EVL: variants seen among roughly 807,000 people sequenced by gnomAD.
The protein encoded by EVL is ena/VASP-like protein.
Under a neutral mutation model 59.6 loss-of-function variants are expected in EVL, and 21 were observed. The ratio of observed to expected loss-of-function variants is 0.35; its 90% CI spans 0.25 to 0.51. The LOEUF is 0.51. Among genes scored for constraint, EVL ranks in the 20% least tolerant of loss-of-function variants. EVL has a pLI of 0.97. For missense variants in EVL, 462 were observed against 546.6 expected (o/e 0.85, Z 1.54); for synonymous variants, 198 against 203.5 (o/e 0.97, Z 0.23).
chr14:100,090,766 T>G (rs750942501), intron 2 of EVL, among the ~76,000 whole-genome samples: 4 of 152,134 alleles, frequency 2.6e-5, no homozygotes, highest in Non-Finnish European at 5.9e-5. Context: ...CAAAAGTGAT[T>G]TATTTAATCA....
intron 2 of EVL, among the ~76,000 whole-genome samples, chr14:100,087,463 A>G (rs915062352): frequency 6.6e-6 from 1 of 152,114 alleles, no homozygotes; most frequent in Non-Finnish European, 1.5e-5. Context: ...AAAAATATAT[A>G]AATTATCTGG....
At chr14:100,121,561 G>A (rs1429553449) in intron 3 of EVL, among the ~76,000 whole-genome samples, 1 of 152,190 alleles carries the variant, frequency 6.6e-6, no homozygotes, top group Non-Finnish European at 1.5e-5. Context: ...TTCCTGCTCT[G>A]TCGGGTCTAA....
chr14:100,028,228 C>T (rs2061253125), intron 1 of EVL, among the ~76,000 whole-genome samples: 1 of 150,356 alleles, frequency 6.7e-6, no homozygotes, highest in Non-Finnish European at 1.5e-5. Flanking sequence ...GTACAAGGGC[C>T]CCCCTTTCTC....
intron 1 of EVL, among the ~76,000 whole-genome samples, chr14:100,050,366 T>TTA (rs2061627919): frequency 1.3e-5 from 2 of 151,844 alleles, no homozygotes; most frequent in Admixed American, 6.6e-5. Flanking sequence ...TATTTATTTT[T>TTA]TTTTAGACAG....
chr14:100,012,727 G>A (rs1160071396), intron 1 of EVL, among the ~76,000 whole-genome samples: 2 of 152,170 alleles, frequency 1.3e-5, no homozygotes, highest in East Asian at 3.9e-4. Flanking sequence ...TTTGGCTTAT[G>A]GTCCTGGTGG....
chr14:100,141,310 C>A, intron 12 of EVL, 64 bp downstream of exon 12: 1 of 1,578,956 alleles, frequency 6.3e-7, no homozygotes, highest in Non-Finnish European at 8.7e-7. Context: ...GGGACCGTCT[C>A]TGACCAGCAT....
At chr14:100,049,994 T>G (rs1238186575) in intron 1 of EVL, among the ~76,000 whole-genome samples, 1 of 152,216 alleles carries the variant, frequency 6.6e-6, no homozygotes, top group Non-Finnish European at 1.5e-5. Flanking sequence ...TCTGAGACAT[T>G]AAGTTGCACA....
chr14:100,135,839 T>A, intron 8 of EVL, 66 bp from the exon 9 acceptor site: 1 of 1,412,026 alleles, frequency 7.1e-7, no homozygotes, highest in African/African-American at 1.4e-5. Flanking sequence ...TTATGAAGTG[T>A]CCAATGATGT....
At chr14:100,112,465 A>G (rs1887065454) in intron 3 of EVL, among the ~76,000 whole-genome samples, 1 of 152,166 alleles carries the variant, frequency 6.6e-6, no homozygotes, top group African/African-American at 2.4e-5. Flanking sequence ...TTTAGGCTTA[A>G]CTCAGAATAT....
At chr14:100,121,476 C>A (rs12588659) in intron 3 of EVL, among the ~76,000 whole-genome samples, 10,594 of 152,256 alleles carry the variant, frequency 0.07, 674 homozygotes, top group East Asian at 0.37. Context: ...CATGGTGGCT[C>A]AAAACAATTG....
intron 1 of EVL, among the ~76,000 whole-genome samples, chr14:100,004,590 C>G (rs753799464): frequency 6.6e-6 from 1 of 152,198 alleles, no homozygotes; most frequent in Middle Eastern, 3.4e-3. Flanking sequence ...TTGTGACTTA[C>G]ATACACCATT....
intron 3 of EVL, chr14:100,107,615 T>C (rs1886654157): frequency 3.9e-6 from 1 of 258,022 alleles, no homozygotes; most frequent in Admixed American, 5.5e-5. Context: ...CCGAGGTGCA[T>C]GGAAAGCAGT....
At position 100,115,079 on chromosome 14, in the gene EVL, C is replaced by T. The variant is rs964691322; in HGVS notation, c.359-8460C>T. On this transcript the variant is annotated intron_variant, in intron 3 of 13. Coordinates refer to ENST00000392920, the MANE Select transcript of EVL (RefSeq NM_016337.3). ...AAACAATGCAGTTATGCTCAGTAAA[C>T]CATTAAGCATTAAGATGTGGCAGAT... Among the ~76,000 whole-genome samples, 32 of 151,904 alleles carry T rather than the reference C, an allele frequency of 2.1e-4. 3 individuals carry two copies. Among genetic ancestry groups the T allele is most frequent in the Admixed American group, 2.0e-3 (30 of 15,258 alleles).
chr14:100,060,285 G>C (rs1423838744), intron 1 of EVL, among the ~76,000 whole-genome samples: 3 of 151,928 alleles, frequency 2.0e-5, no homozygotes, highest in Non-Finnish European at 1.5e-5. Context: ...CAAAAAATTA[G>C]CCGGGCGTGG....
chr14:100,019,642 AG>A, intron 1 of EVL: 2 of 1,531,896 alleles, frequency 1.3e-6, no homozygotes, highest in Non-Finnish European at 8.7e-7. Flanking sequence ...ACACAATCTA[AG>A]GAAATTGTCT....
chr14:100,124,781 G>A (rs896273293), intron 4 of EVL, among the ~76,000 whole-genome samples: 6 of 152,146 alleles, frequency 3.9e-5, no homozygotes, highest in African/African-American at 9.7e-5. Flanking sequence ...TTCATCACCC[G>A]CAGTGCTGAA....
intron 1 of EVL, among the ~76,000 whole-genome samples, chr14:100,024,664 T>C (rs2140207784): frequency 6.6e-6 from 1 of 152,246 alleles, no homozygotes; most frequent in East Asian, 1.9e-4. Context: ...CTGCCTGGAT[T>C]GCCCTGCCCC....
chr14:100,002,309 C>T (rs1191910761), intron 1 of EVL, among the ~76,000 whole-genome samples: 4 of 152,078 alleles, frequency 2.6e-5, no homozygotes, highest in South Asian at 4.1e-4. Flanking sequence ...ATTTTAAAAC[C>T]ACCTTCTAAA....
intron 1 of EVL, chr14:99,978,244 T>C (rs75324518): frequency 6.7e-6 from 1 of 149,578 alleles, no homozygotes; most frequent in African/African-American, 2.5e-5. Flanking sequence ...TAAAAAAAAA[T>C]ACAAAAAATT....
Sources: allele counts gnomAD v4.1 joint callset (sites outside exome capture counted in the v4.1 genomes callset), GRCh38; gene constraint gnomAD v4.1.1; transcripts MANE v1.5; gene names NCBI Gene and HGNC (gene_info 2026-07-23, HGNC 2026-07-21).